Variants in SNTB1 observed in about 807,000 individuals in gnomAD.
SNTB1 encodes the protein beta-1-syntrophin.
A neutral mutation model predicts 48.9 loss-of-function variants in SNTB1; 36 were observed. The ratio of observed to expected loss-of-function variants is 0.74; its 90% CI spans 0.56 to 0.97. The LOEUF (loss-of-function observed/expected upper bound fraction) is 0.97. Ranked by LOEUF, SNTB1 falls within the 50% of genes least tolerant of loss-of-function variation. The probability of loss-of-function intolerance (pLI) is 0.00; values close to 1 mark genes in which losing one functional copy is unlikely to be tolerated. For synonymous variants in SNTB1, 299 were observed against 294.6 expected, an observed-to-expected ratio of 1.01 and a Z score of -0.15; for missense variants, 786 against 703.4, an observed-to-expected ratio of 1.12 and a Z score of -1.33.
intron 6 of SNTB1, among the ~76,000 whole-genome samples, chr8:120,540,718 A>G (rs979206499): frequency 6.6e-6 from 1 of 152,216 alleles, no homozygotes; most frequent in Non-Finnish European, 1.5e-5. Flanking sequence ...AGTTAGAAAA[A>G]TGCTTGGCTA....
chr8:120,811,135 C>T, intron 1 of SNTB1, 138 bp downstream of exon 1: 1 of 1,213,126 alleles, frequency 8.2e-7, no homozygotes, highest in South Asian at 1.7e-5. Flanking sequence ...CACCCTTCCC[C>T]CCCCCCCAAC....
rs573216973 is a variant in SNTB1 at position 120,585,592 on chromosome 8, G to C, written c.997-10367C>G. Among the ~76,000 whole-genome samples the C allele has an allele frequency of 1.2e-4, 19 of 152,246 alleles. No homozygotes were observed. The Middle Eastern group carries it at 0.027, about 218-fold the overall frequency. On this transcript the variant is annotated intron_variant, in intron 3 of 6. Coordinates refer to ENST00000517992, the MANE Select transcript of SNTB1 (RefSeq NM_021021.4). ...CTTTCTATTTATAACAAGTAGCTGG[G>C]GCAAAATTGGTCCCTTATGTTTACT...
intron 1 of SNTB1, among the ~76,000 whole-genome samples, chr8:120,725,947 T>A (rs1334130893): frequency 6.6e-6 from 1 of 152,202 alleles, no homozygotes; most frequent in Non-Finnish European, 1.5e-5. Flanking sequence ...ACCATAAACA[T>A]AAAGTTATCA....
chr8:120,801,992 C>A (rs1351661009), intron 1 of SNTB1, among the ~76,000 whole-genome samples: 1 of 152,070 alleles, frequency 6.6e-6, no homozygotes, highest in Non-Finnish European at 1.5e-5. Flanking sequence ...GAAGAGATAA[C>A]CCTTTGGTGT....
At chr8:120,598,106 C>T (rs537537006) in intron 3 of SNTB1, among the ~76,000 whole-genome samples, 1 of 152,198 alleles carries the variant, frequency 6.6e-6, no homozygotes, top group African/African-American at 2.4e-5. Flanking sequence ...AGTCCAGAGC[C>T]ATCCAGCCTG....
chr8:120,753,824 T>C (rs1563590635), intron 1 of SNTB1, among the ~76,000 whole-genome samples: 1 of 152,222 alleles, frequency 6.6e-6, no homozygotes, highest in Non-Finnish European at 1.5e-5. Context: ...ACATGTGTCT[T>C]ATCTTATGCC....
chr8:120,692,721 G>C (rs1350740775), intron 2 of SNTB1, among the ~76,000 whole-genome samples: 1 of 152,004 alleles, frequency 6.6e-6, no homozygotes, highest in African/African-American at 2.4e-5. Context: ...GCTTAAAGTA[G>C]AAAATAGCCT....
At chr8:120,599,877 G>A (rs1816395156) in intron 3 of SNTB1, among the ~76,000 whole-genome samples, 1 of 152,108 alleles carries the variant, frequency 6.6e-6, no homozygotes. Context: ...GACATGGATA[G>A]GTACAGTTTG....
chr8:120,552,538 A>C (rs1815498310), intron 4 of SNTB1, among the ~76,000 whole-genome samples: 1 of 152,050 alleles, frequency 6.6e-6, no homozygotes, highest in African/African-American at 2.4e-5. Flanking sequence ...TTGTATTTTT[A>C]GTAGAGATGG....
At chr8:120,546,662 G>A (rs1815385673) in intron 5 of SNTB1, among the ~76,000 whole-genome samples, 1 of 151,978 alleles carries the variant, frequency 6.6e-6, no homozygotes, top group Non-Finnish European at 1.5e-5. Context: ...TAGAGACGGG[G>A]TTTCACCATG....
intron 2 of SNTB1, among the ~76,000 whole-genome samples, chr8:120,690,962 T>C (rs550724584): frequency 7.2e-5 from 11 of 152,358 alleles, no homozygotes; most frequent in Admixed American, 5.2e-4. Flanking sequence ...TCTGCCCTGC[T>C]GGTTCTCACA....
chr8:120,803,301 C>A (rs1284057583), intron 1 of SNTB1, among the ~76,000 whole-genome samples: 1 of 152,064 alleles, frequency 6.6e-6, no homozygotes, highest in Admixed American at 6.6e-5. Flanking sequence ...GAGTGGCGCT[C>A]ACTTGCATGA....
intron 2 of SNTB1, among the ~76,000 whole-genome samples, chr8:120,681,492 C>A (rs1251655567): frequency 6.6e-6 from 1 of 152,148 alleles, no homozygotes; most frequent in East Asian, 1.9e-4. Context: ...GGCTCAGAAC[C>A]TCCAGAGACA....
rs1431751116 is a variant in SNTB1, at chr8:120,669,577, C to T, written c.788+24115G>A. On this transcript the variant is annotated intron_variant, in intron 2 of 6. Transcript: ENST00000517992. ...ACGCCATTCTCCTGCCTCAGCCTCC[C>T]GAGTAGCTGGGACTACAGGCGCCTG... 3.4e-5 allele frequency among the ~76,000 whole-genome samples: 3 copies of T among 88,262 alleles called. 1 individual carries two copies. The highest frequency in any genetic ancestry group is 5.8e-5 in the Non-Finnish European group (3 of 51,718). 57.9% of individuals were successfully genotyped at this position (88,262 alleles called of 152,430 possible).
At chr8:120,578,477 T>A (rs1461521164) in intron 3 of SNTB1, among the ~76,000 whole-genome samples, 1 of 152,236 alleles carries the variant, frequency 6.6e-6, no homozygotes, top group East Asian at 1.9e-4. Flanking sequence ...TTTGGAGATG[T>A]GTCTGCATTT....
chr8:120,636,878 C>G (rs202223583), intron 2 of SNTB1: 1 of 234,800 alleles, frequency 4.3e-6, no homozygotes, highest in South Asian at 8.3e-5. Flanking sequence ...AAGTAGAACT[C>G]AAGGCTTTTA....
intron 5 of SNTB1, among the ~76,000 whole-genome samples, chr8:120,545,714 T>C (rs181076961): frequency 6.6e-6 from 1 of 152,168 alleles, no homozygotes; most frequent in African/African-American, 2.4e-5. Context: ...CCCAGCGAAG[T>C]AGGCGTTAGG....
At chr8:120,803,846 G>A (rs1346268597) in intron 1 of SNTB1, among the ~76,000 whole-genome samples, 2 of 152,174 alleles carry the variant, frequency 1.3e-5, no homozygotes, top group Admixed American at 6.5e-5. Context: ...GGTAGAAAGC[G>A]TTCTTACATA....
At chr8:120,676,626 GA>G (rs1228708598) in intron 2 of SNTB1, among the ~76,000 whole-genome samples, 2 of 152,102 alleles carry the variant, frequency 1.3e-5, no homozygotes, top group East Asian at 3.9e-4. Flanking sequence ...TTCCACAGCT[GA>G]AAAAAGCTCA....
Sources: allele counts gnomAD v4.1 joint callset (sites outside exome capture counted in the v4.1 genomes callset), GRCh38; gene constraint gnomAD v4.1.1; transcripts MANE v1.5; gene names NCBI Gene and HGNC (gene_info 2026-07-23, HGNC 2026-07-21).